Variants in CIDEA observed in about 807,000 individuals in gnomAD.
CIDEA encodes the protein cell death inducing DFFA like effector a, also known as lipid transferase CIDEA.
CIDEA carries 10 observed loss-of-function variants against 18.2 expected under a neutral mutation model. That is an observed-to-expected ratio of 0.55 (90% CI 0.34 to 0.93). The LOEUF (loss-of-function observed/expected upper bound fraction) is 0.93, where lower values mean the gene tolerates loss of function less well. CIDEA is among the 40% of genes least tolerant of loss of function. The probability of loss-of-function intolerance (pLI) is 0.02; values close to 1 mark genes in which losing one functional copy is unlikely to be tolerated. For missense variants in CIDEA, 309 were observed against 293.1 expected (o/e 1.05, Z -0.40); for synonymous variants, 128 against 124.8 (o/e 1.03, Z -0.17).
Position 12,268,244 on chromosome 18 carries a change from T to TTTTTTTTA in CIDEA, c.330+3798_330+3799insATTTTTTT, listed in dbSNP as rs1367277800. On this transcript the variant is annotated intron_variant, in intron 3 of 4. Coordinates refer to ENST00000320477, the MANE Select transcript of CIDEA (RefSeq NM_001279.4). ...CATGCCCGGCCATTTTTTTTTTTTT[T>TTTTTTTTA]TTTTTTTTCATTTTTAGTAGAGACG... Among the ~76,000 whole-genome samples, 3 of 143,580 alleles carry TTTTTTTTA rather than the reference T, an allele frequency of 2.1e-5. 1 individual carries two copies. The highest frequency in any genetic ancestry group is 7.7e-5 in the African/African-American group (3 of 39,012). The allele number at this position is 143,580 out of a possible 152,430, so 94.2% of individuals were successfully genotyped here.
chr18:12,255,083 C>A (rs1911991942), intron 1 of CIDEA: 1 of 440,908 alleles, frequency 2.3e-6, no homozygotes, highest in Non-Finnish European at 3.7e-6. Context: ...CGCACCCGCT[C>A]GTGGTCGAAC....
At chr18:12,260,950 C>T (rs1339028415) in intron 1 of CIDEA, among the ~76,000 whole-genome samples, 1 of 152,144 alleles carries the variant, frequency 6.6e-6, no homozygotes, top group Non-Finnish European at 1.5e-5. Flanking sequence ...GTGTCCAGTC[C>T]TGCTCTGTGG....
chr18:12,268,614 C>T (rs895375337), intron 3 of CIDEA, among the ~76,000 whole-genome samples: 10 of 151,530 alleles, frequency 6.6e-5, no homozygotes, highest in Non-Finnish European at 1.3e-4. Flanking sequence ...GCTTCAAACT[C>T]CTGGTTTCAA....
chr18:12,272,149 T>TGTG (rs1555662634), intron 3 of CIDEA, among the ~76,000 whole-genome samples: 432 of 7,474 alleles, frequency 0.058, 31 homozygotes, highest in East Asian at 0.1. Flanking sequence ...AGTGTGTGTG[T>TGTG]GGGGGGGGGG....
intron 4 of CIDEA, among the ~76,000 whole-genome samples, chr18:12,274,934 TGA>T (rs1056076420): frequency 9.2e-5 from 14 of 152,368 alleles, no homozygotes; most frequent in Admixed American, 8.5e-4. Flanking sequence ...AGCCTGGGAC[TGA>T]GAGAAACACC....
At position 12,277,152 on chromosome 18, in the gene CIDEA, C is replaced by A. The variant is rs147016347; in HGVS notation, c.542C>A (p.Ala181Asp). The A allele has an allele frequency of 2.5e-5, 40 of 1,614,054 alleles. No individual in the cohort carries two copies. The highest frequency in any genetic ancestry group is 3.4e-5 in the Non-Finnish European group (40 of 1,180,042). ...RSLLRFLSYSAQVTGQFLIYL... is the reference protein window; with the variant it reads ...RSLLRFLSYSDQVTGQFLIYL... Reference sequence around the variant, plus strand: ...CTGCTGCGGTTCCTGTCCTACTCCGCCCAGGTGACGGGACAGTTTCTCATC... The same window carrying A: ...CTGCTGCGGTTCCTGTCCTACTCCGACCAGGTGACGGGACAGTTTCTCATC... Residue 181 changes from alanine to aspartate, a missense_variant, in exon 5 of 5, where the codon GCC becomes GAC. Physicochemically the swap from Ala to Asp is moderately radical, Grantham distance 126 (BLOSUM62 -2). Transcript: ENST00000320477.
intron 1 of CIDEA, among the ~76,000 whole-genome samples, chr18:12,257,567 G>C (rs966708243): frequency 2.0e-5 from 3 of 152,258 alleles, no homozygotes; most frequent in Middle Eastern, 6.8e-3. Context: ...TGCCTCCCTC[G>C]GGGCAGAATA....
Position 12,254,430 on chromosome 18 carries a change from C to T in CIDEA, c.38+9C>T. The T allele has an allele frequency of 6.3e-7, 1 of 1,593,094 alleles. No homozygotes were observed. Among genetic ancestry groups the T allele is most frequent in the Non-Finnish European group, 8.5e-7 (1 of 1,172,854 alleles). ...GCAGGAGCCCTCATCAGGCGAGTGC[C>T]CCGCGTCCCCCTGATTGCCGTGCGC... On this transcript the variant is annotated intron_variant, in intron 1 of 4. Coordinates refer to ENST00000320477, the MANE Select transcript of CIDEA (RefSeq NM_001279.4).
rs190156389 is a variant in CIDEA at position 12,275,551 on chromosome 18, T to C, written c.512+1277T>C. ...TCAAGTCGAAAAGTTTTGCAGCTGCTGCCATTCCAGTGCCCCCTGCACGTC... is the reference window on the plus strand; with the variant it reads ...TCAAGTCGAAAAGTTTTGCAGCTGCCGCCATTCCAGTGCCCCCTGCACGTC... On this transcript the variant is annotated intron_variant, in intron 4 of 4. Transcript: ENST00000320477. Among the ~76,000 whole-genome samples, 878 of 152,292 alleles carry C rather than the reference T, an allele frequency of 5.8e-3. 8 individuals are homozygous for C. The highest frequency in any genetic ancestry group is 0.02 in the African/African-American group (819 of 41,560).
intron 4 of CIDEA, among the ~76,000 whole-genome samples, chr18:12,275,356 T>C (rs751173888): frequency 6.6e-6 from 1 of 151,956 alleles, no homozygotes; most frequent in Non-Finnish European, 1.5e-5. Context: ...AATAAATAAA[T>C]AAACAAACAA....
At chr18:12,264,008 A>T in intron 2 of CIDEA, 1 of 232,796 alleles carries the variant, frequency 4.3e-6, no homozygotes, top group Non-Finnish European at 8.3e-6. Flanking sequence ...AGGCTGTGGC[A>T]GGAAGATTGC....
intron 3 of CIDEA, among the ~76,000 whole-genome samples, chr18:12,267,855 C>A (rs908138111): frequency 6.6e-6 from 1 of 151,882 alleles, no homozygotes. Context: ...GAGACTTTGT[C>A]CCTTGGGGGA....
In CIDEA at chr18:12,254,426, G is replaced by T; in HGVS notation, c.38+5G>T. 1 of 1,592,002 alleles carries T rather than the reference G, an allele frequency of 6.3e-7. No homozygotes were observed. Among genetic ancestry groups the T allele is most frequent in the Non-Finnish European group, 8.5e-7 (1 of 1,172,090 alleles). ...CTATGCAGGAGCCCTCATCAGGCGAGTGCCCCGCGTCCCCCTGATTGCCGT... is the reference window on the plus strand; with the variant it reads ...CTATGCAGGAGCCCTCATCAGGCGATTGCCCCGCGTCCCCCTGATTGCCGT... On this transcript the variant is annotated splice_donor_5th_base_variant and intron_variant, in intron 1 of 4. Coordinates refer to ENST00000320477, the MANE Select transcript of CIDEA (RefSeq NM_001279.4).
chr18:12,276,458 A>G (rs767892350), intron 4 of CIDEA, among the ~76,000 whole-genome samples: 11 of 152,180 alleles, frequency 7.2e-5, no homozygotes, highest in Non-Finnish European at 1.3e-4. Context: ...ACACCTGGCC[A>G]CAAAGTCTTT....
At chr18:12,274,072 C>T (rs1370456994) in intron 3 of CIDEA, 21 bp from the exon 4 acceptor site, 4 of 1,613,042 alleles carry the variant, frequency 2.5e-6, no homozygotes, top group Non-Finnish European at 3.4e-6. Flanking sequence ...CTGAAGCCTG[C>T]CCCTCCCCCC....
At chr18:12,273,171 G>A (rs992656041) in intron 3 of CIDEA, among the ~76,000 whole-genome samples, 3 of 152,304 alleles carry the variant, frequency 2.0e-5, no homozygotes, top group East Asian at 3.9e-4. Context: ...TGGCCACGGC[G>A]AGGAGGGTTT....
intron 1 of CIDEA, among the ~76,000 whole-genome samples, chr18:12,257,398 C>T (rs1912068088): frequency 6.6e-6 from 1 of 152,152 alleles, no homozygotes; most frequent in African/African-American, 2.4e-5. Flanking sequence ...TTGAGGAAGA[C>T]CTTAATACTG....
chr18:12,258,363 G>A (rs943835826), intron 1 of CIDEA, among the ~76,000 whole-genome samples: 1 of 152,252 alleles, frequency 6.6e-6, no homozygotes, highest in East Asian at 1.9e-4. Context: ...GAGATGCAGG[G>A]CCAGGGCTGC....
intron 1 of CIDEA, chr18:12,254,925 G>T (rs1167232494): frequency 1.6e-6 from 2 of 1,247,928 alleles, no homozygotes; most frequent in Non-Finnish European, 2.1e-6. Flanking sequence ...GTCTCCGAGG[G>T]GAGGCCCCAA....
Sources: allele counts gnomAD v4.1 joint callset (sites outside exome capture counted in the v4.1 genomes callset), GRCh38; gene constraint gnomAD v4.1.1; transcripts MANE v1.5; gene names NCBI Gene and HGNC (gene_info 2026-07-23, HGNC 2026-07-21).